Variants in ZFYVE28 observed in about 807,000 individuals in gnomAD.
The protein encoded by ZFYVE28 is zinc finger FYVE-type containing 28, also known as lateral signaling target protein 2 homolog.
In ZFYVE28, 40 loss-of-function variants were observed where a neutral mutation model predicts 82.1. The ratio of observed to expected loss-of-function variants is 0.49; its 90% CI spans 0.38 to 0.63. The LOEUF is 0.63. Ranked by LOEUF, ZFYVE28 falls within the 30% of genes least tolerant of loss-of-function variation. The pLI is 0.00. For missense variants in ZFYVE28, 1,321 were observed against 1,242.1 expected (o/e 1.06, Z -0.96); for synonymous variants, 612 against 546.1 (o/e 1.12, Z -1.68).
At chr4:2,365,026 G>C (rs1449390694) in intron 1 of ZFYVE28, 1 of 451,264 alleles carries the variant, frequency 2.2e-6, no homozygotes, top group Non-Finnish European at 2.9e-6. Context: ...ACGCGGAAGT[G>C]GGGGAGGGAG....
intron 1 of ZFYVE28, among the ~76,000 whole-genome samples, chr4:2,393,066 G>A (rs1266971477): frequency 6.6e-6 from 1 of 152,238 alleles, no homozygotes; most frequent in Admixed American, 6.5e-5. Context: ...AGGGCCGCAG[G>A]CTGCGTCTGC....
intron 6 of ZFYVE28, among the ~76,000 whole-genome samples, chr4:2,323,956 ACAATTTT>A (rs1719484986): frequency 6.6e-6 from 1 of 152,046 alleles, no homozygotes; most frequent in African/African-American, 2.4e-5. Context: ...TTGGACAATC[ACAATTTT>A]TAATTTTGAT....
intron 1 of ZFYVE28, among the ~76,000 whole-genome samples, chr4:2,404,156 T>C (rs184075784): frequency 6.9e-4 from 104 of 150,252 alleles, no homozygotes; most frequent in African/African-American, 2.5e-3. Flanking sequence ...CTGTCTCTAA[T>C]AAAAATACAA....
At chr4:2,271,887 TC>T in intron 10 of ZFYVE28, 108 bp from the exon 11 acceptor site, 1 of 995,508 alleles carries the variant, frequency 1.0e-6, no homozygotes. Flanking sequence ...GTCGGTCAGC[TC>T]CCCAAGCCCA....
intron 1 of ZFYVE28, among the ~76,000 whole-genome samples, chr4:2,413,391 C>T (rs1334853340): frequency 2.0e-5 from 3 of 152,310 alleles, no homozygotes; most frequent in South Asian, 2.1e-4. Context: ...GATGCAGAGC[C>T]GCCGGGGGAG....
At chr4:2,282,328 T>C (rs1712072128) in intron 8 of ZFYVE28, among the ~76,000 whole-genome samples, 1 of 152,216 alleles carries the variant, frequency 6.6e-6, no homozygotes, top group South Asian at 2.1e-4. Context: ...AACAGTCACA[T>C]CAATACCAAA....
At chr4:2,414,475 C>A (rs1260115809) in intron 1 of ZFYVE28, among the ~76,000 whole-genome samples, 1 of 152,340 alleles carries the variant, frequency 6.6e-6, no homozygotes, top group African/African-American at 2.4e-5. Context: ...GGAATGTTCT[C>A]CTACAAAGCG....
chr4:2,305,037 C>G lies in ZFYVE28; in HGVS notation c.1303G>C (p.Glu435Gln), dbSNP rs778540821. The change falls in exon 8 of 13, where the codon GAG (glutamate) becomes CAG (glutamine). Residue 435 changes from glutamate (E) to glutamine (Q), a missense_variant. By Grantham distance (29) the Glu-to-Gln change is conservative. Transcript: ENST00000290974. ...CCGCCTGGCCCACCCTGCCCTTTCT[C>G]CTGGGGGTCGGCCCAGGTACTGCCT... ...WAGSTWADPQ[E>Q]KGQGGPGGAA... is the part of the protein sequence containing the mutation. 2 of 1,612,694 alleles carry G rather than the reference C, an allele frequency of 1.2e-6. No individual in the cohort carries two copies. The highest frequency in any genetic ancestry group is 2.7e-5 in the African/African-American group (2 of 75,070).
chr4:2,333,612 G>A (rs1578132166), intron 6 of ZFYVE28, among the ~76,000 whole-genome samples: 1 of 152,062 alleles, frequency 6.6e-6, no homozygotes, highest in Non-Finnish European at 1.5e-5. Flanking sequence ...AGGGCTCACC[G>A]GCTCATTGAC....
chr4:2,381,827 C>G (rs575489357), intron 1 of ZFYVE28, among the ~76,000 whole-genome samples: 4 of 152,362 alleles, frequency 2.6e-5, no homozygotes, highest in Non-Finnish European at 4.4e-5. Flanking sequence ...GAAAATGTCT[C>G]CAAAGCATGT....
chr4:2,356,092 C>A (rs1301251037), intron 1 of ZFYVE28, among the ~76,000 whole-genome samples: 4 of 152,190 alleles, frequency 2.6e-5, no homozygotes, highest in African/African-American at 4.8e-5. Flanking sequence ...TCTTTCCTGG[C>A]CCTCCAGTCC....
intron 1 of ZFYVE28, among the ~76,000 whole-genome samples, chr4:2,382,430 G>A (rs1054076999): frequency 1.3e-5 from 2 of 152,226 alleles, no homozygotes; most frequent in Non-Finnish European, 2.9e-5. Flanking sequence ...CAAGACGATG[G>A]GAACCCACCT....
Position 2,320,287 on chromosome 4 carries a change from A to G in ZFYVE28, c.702-16T>C. 6.2e-7 allele frequency: 1 copy of G among 1,611,936 alleles called. No homozygotes were observed. Among genetic ancestry groups the G allele is most frequent in the Non-Finnish European group, 8.5e-7 (1 of 1,178,722 alleles). On this transcript the variant is annotated splice_polypyrimidine_tract_variant and intron_variant, in intron 6 of 12. Coordinates refer to ENST00000290974, the MANE Select transcript of ZFYVE28 (RefSeq NM_020972.3). This position sits in a 1 kb window ranked among gnomAD's most constrained non-coding sequence, Gnocchi z 5.1. ...CACGAGGCCACTGCATTTGAGACAC[A>G]AAAGCCAGGATGTCAGGCCCTGTGG... is the stretch of plus-strand genomic sequence containing the variant.
chr4:2,404,862 T>TTTTC (rs1553867257), intron 1 of ZFYVE28, among the ~76,000 whole-genome samples: 2,524 of 140,224 alleles, frequency 0.018, 24 homozygotes, highest in Non-Finnish European at 0.024. Context: ...TCGCTCTTTT[T>TTTTC]TTTTTTTTTT....
chr4:2,330,453 G>A (rs1720491734), intron 6 of ZFYVE28: 4 of 1,073,064 alleles, frequency 3.7e-6, no homozygotes, highest in South Asian at 2.7e-5. Context: ...CAGCACGGAG[G>A]AGGGAACATC....
chr4:2,307,899 T>C (rs756441387), intron 7 of ZFYVE28, among the ~76,000 whole-genome samples: 1 of 152,210 alleles, frequency 6.6e-6, no homozygotes, highest in Non-Finnish European at 1.5e-5. Flanking sequence ...TATGAGACAT[T>C]TTTCCTCATG....
intron 8 of ZFYVE28, among the ~76,000 whole-genome samples, chr4:2,279,214 T>C (rs1219044102): frequency 6.6e-6 from 1 of 152,176 alleles, no homozygotes; most frequent in African/African-American, 2.4e-5. Flanking sequence ...AGAGGATCAC[T>C]TGACATCAGG....
In ZFYVE28 at chr4:2,339,406, G is replaced by C; in HGVS notation, c.521+47C>G. The C allele has an allele frequency of 6.3e-7, 1 of 1,579,628 alleles. No individual in the cohort carries two copies. The highest frequency in any genetic ancestry group is 8.6e-7 in the Non-Finnish European group (1 of 1,158,374). ...GTGAGCCCCGGAAGCTGGCACAACC[G>C]TCCCCCAGCTCATACAGCCAGGGCT... On this transcript the variant is annotated intron_variant, in intron 4 of 12. Coordinates refer to ENST00000290974, the MANE Select transcript of ZFYVE28 (RefSeq NM_020972.3). The surrounding 1 kb of genome is among the most constrained non-coding windows in gnomAD (Gnocchi z 5.0).
At chr4:2,342,068 C>T (rs1722909800) in intron 2 of ZFYVE28, among the ~76,000 whole-genome samples, 1 of 152,192 alleles carries the variant, frequency 6.6e-6, no homozygotes, top group African/African-American at 2.4e-5. Context: ...CCTGCAAAGC[C>T]CTCGTCTTCC....
Sources: allele counts gnomAD v4.1 joint callset (sites outside exome capture counted in the v4.1 genomes callset), GRCh38; gene constraint gnomAD v4.1.1; non-coding constraint Gnocchi (gnomAD v3.1); transcripts MANE v1.5; gene names NCBI Gene and HGNC (gene_info 2026-07-23, HGNC 2026-07-21).